The following SLIT2 variants were observed in gnomAD, a reference collection of about 807,000 sequenced individuals.
SLIT2 encodes slit guidance ligand 2, also known as slit homolog 2 protein.
In SLIT2, 41 loss-of-function variants were observed where a neutral mutation model predicts 185.7. The observed-to-expected ratio is 0.22, with a 90% CI of 0.17 to 0.29. The LOEUF is 0.29. Among genes scored for constraint, SLIT2 ranks in the 10% least tolerant of loss-of-function variants. The pLI is 1.00. For synonymous variants in SLIT2, 693 were observed against 680.2 expected, an observed-to-expected ratio of 1.02 and a Z score of -0.29; for missense variants, 1,571 against 1,909.0, an observed-to-expected ratio of 0.82 and a Z score of 3.30.
chr4:20,265,176 G>A (rs1160533473), intron 3 of SLIT2, among the ~76,000 whole-genome samples: 1 of 151,872 alleles, frequency 6.6e-6, no homozygotes, highest in Non-Finnish European at 1.5e-5. Context: ...GTCACAATTA[G>A]AAGCTAGGCT....
rs1560495001 is a variant in SLIT2, at chr4:20,518,575, A to G, written c.1059-807A>G. Among the ~76,000 whole-genome samples, 43 of 19,424 alleles carry G rather than the reference A, an allele frequency of 2.2e-3. 5 individuals are homozygous for G. The East Asian group carries it at 0.048, about 22-fold the overall frequency. 12.7% of individuals were successfully genotyped at this position (19,424 alleles called of 152,430 possible). A position where few individuals can be genotyped will look rare whatever the true frequency, so the allele number is the denominator to read the frequency against. On this transcript the variant is annotated intron_variant, in intron 11 of 36. Transcript: ENST00000504154. Reference sequence around the variant, plus strand: ...CCTATATGTATATATATATATATATATATATATATATATTTTTTTTTTTTT... The same window carrying G: ...CCTATATGTATATATATATATATATGTATATATATATATTTTTTTTTTTTT...
At position 20,253,972 on chromosome 4, in the gene SLIT2, A is replaced by G. The variant is rs1321526993; in HGVS notation, c.157A>G (p.Ile53Val). 6.2e-7 allele frequency: 1 copy of G among 1,602,316 alleles called. No homozygotes were observed. The highest frequency in any genetic ancestry group is 1.3e-5 in the African/African-American group (1 of 74,670). Residue 53 changes from isoleucine (I) to valine (V), a missense_variant, in exon 1 of 37, where the codon ATC (isoleucine) becomes GTC (valine). This residue lies in a region of SLIT2 where 1,202 missense variants were observed against 1,416.4 expected (regional missense o/e 0.85). Coordinates refer to ENST00000504154, the MANE Select transcript of SLIT2 (RefSeq NM_004787.4). ...GLALRSVPRN[I>V]PRNTERLDLN... Reference sequence around the variant, plus strand: ...GGCGCTGCGCAGCGTGCCCAGGAATATCCCCCGCAACACCGAGAGACTGTG... The same window carrying G: ...GGCGCTGCGCAGCGTGCCCAGGAATGTCCCCCGCAACACCGAGAGACTGTG...
intron 4 of SLIT2, among the ~76,000 whole-genome samples, chr4:20,297,582 A>G (rs541358893): frequency 5.3e-5 from 8 of 152,210 alleles, no homozygotes; most frequent in Admixed American, 5.2e-4. Flanking sequence ...CCAGGCAAAA[A>G]TGTCAATCTA....
At chr4:20,354,904 T>TGAGA (rs1227961659) in intron 4 of SLIT2, among the ~76,000 whole-genome samples, 44 of 63,340 alleles carry the variant, frequency 6.9e-4, no homozygotes, top group Middle Eastern at 9.4e-3. Flanking sequence ...TGTGTGTGTG[T>TGAGA]GTGAGAGAGA....
intron 4 of SLIT2, among the ~76,000 whole-genome samples, chr4:20,271,269 G>A (rs1577348668): frequency 6.6e-6 from 1 of 150,774 alleles, no homozygotes; most frequent in Admixed American, 6.7e-5. Context: ...AAATAATGGG[G>A]AAAAATGATA....
intron 4 of SLIT2, among the ~76,000 whole-genome samples, chr4:20,341,013 G>GC (rs1488054968): frequency 6.6e-6 from 1 of 152,150 alleles, no homozygotes; most frequent in Non-Finnish European, 1.5e-5. Context: ...AGCTAGATAA[G>GC]CCTTACTAAG....
At position 20,252,485 on chromosome 4, in the gene SLIT2, G is replaced by T. The variant is rs986414687; in HGVS notation, c.-1331G>T. Among the ~76,000 whole-genome samples the T allele has an allele frequency of 3.9e-5, 6 of 152,192 alleles. No homozygotes were observed. The highest frequency in any genetic ancestry group is 8.8e-5 in the Non-Finnish European group (6 of 68,028). On this transcript the variant is annotated 5_prime_UTR_variant, in exon 1 of 37. Coordinates refer to ENST00000504154, the MANE Select transcript of SLIT2 (RefSeq NM_004787.4). Reference sequence around the variant, plus strand: ...AGGAGCCGGGCGGCGTCGCCACGCCGGCAGGGGTACCGCCACTGTGGCCTT... The same window carrying T: ...AGGAGCCGGGCGGCGTCGCCACGCCTGCAGGGGTACCGCCACTGTGGCCTT...
rs528060409 is a variant in SLIT2 at position 20,513,477 on chromosome 4, G to T, written c.1058+2340G>T. Among the ~76,000 whole-genome samples, 16 of 152,188 alleles carry T rather than the reference G, an allele frequency of 1.1e-4. No individual in the cohort carries two copies. In the South Asian group the frequency reaches 3.3e-3, roughly 32 times the overall value. On this transcript the variant is annotated intron_variant, in intron 11 of 36. Transcript: ENST00000504154. ...TATATAACTACACACATTTGCAATA[G>T]CTCTTTTCTTCATTGAACCACAGTT...
At chr4:20,550,945 A>G (rs1723693729) in intron 25 of SLIT2, 47 bp downstream of exon 25, 1 of 1,026,696 alleles carries the variant, frequency 9.7e-7, no homozygotes, top group South Asian at 1.4e-5. Context: ...AACACTTCCT[A>G]ATGAGTGACT....
intron 29 of SLIT2, among the ~76,000 whole-genome samples, chr4:20,569,436 A>G (rs902382608): frequency 1.3e-5 from 2 of 152,036 alleles, no homozygotes; most frequent in African/African-American, 4.8e-5. Context: ...ATTTGCCTCT[A>G]GTAACCCATG....
chr4:20,605,760 T>G (rs1728750622), intron 33 of SLIT2, among the ~76,000 whole-genome samples: 1 of 150,964 alleles, frequency 6.6e-6, no homozygotes. Flanking sequence ...TTTATTTTAT[T>G]TTTTGAGACA....
chr4:20,467,271 G>A (rs1714463487), intron 4 of SLIT2, among the ~76,000 whole-genome samples: 1 of 152,074 alleles, frequency 6.6e-6, no homozygotes, highest in Admixed American at 6.6e-5. Context: ...GAAGTGCTAT[G>A]AAAACTTAAT....
At position 20,257,067 on chromosome 4, in the gene SLIT2, A is replaced by T. The variant is rs559496090; in HGVS notation, c.251+324A>T. Reference sequence around the variant, plus strand: ...GAATAAGTAATAAGAAACATTTGATACTTTTAGGATTTGAAATTAACTAAA... The same window carrying T: ...GAATAAGTAATAAGAAACATTTGATTCTTTTAGGATTTGAAATTAACTAAA... On this transcript the variant is annotated intron_variant, in intron 2 of 36. Transcript: ENST00000504154. Among the ~76,000 whole-genome samples the T allele has an allele frequency of 1.1e-4, 17 of 152,266 alleles. No homozygotes were observed. The East Asian group carries it at 2.7e-3, about 24-fold the overall frequency.
intron 4 of SLIT2, among the ~76,000 whole-genome samples, chr4:20,404,385 C>A (rs1726602016): frequency 6.6e-6 from 1 of 151,780 alleles, no homozygotes; most frequent in Non-Finnish European, 1.5e-5. Context: ...AATAAGATAT[C>A]CCTGATTCAC....
intron 15 of SLIT2, 146 bp downstream of exon 15, chr4:20,525,318 G>A (rs1172821855): frequency 3.4e-6 from 2 of 580,276 alleles, no homozygotes; most frequent in African/African-American, 3.7e-5. Context: ...ACTTGTAGCT[G>A]TTTCCTGAAA....
At chr4:20,461,637 G>C (rs949844347) in intron 4 of SLIT2, among the ~76,000 whole-genome samples, 1 of 152,162 alleles carries the variant, frequency 6.6e-6, no homozygotes, top group African/African-American at 2.4e-5. Flanking sequence ...GTGCAGGTAG[G>C]TCAGATTCTG....
At chr4:20,539,929 AT>A (rs1722657700) in intron 19 of SLIT2, among the ~76,000 whole-genome samples, 2 of 152,152 alleles carry the variant, frequency 1.3e-5, no homozygotes, top group Admixed American at 6.6e-5. Flanking sequence ...ACATTGGAGT[AT>A]TTTCAGTATA....
intron 4 of SLIT2, among the ~76,000 whole-genome samples, chr4:20,319,079 G>A (rs1429955302): frequency 6.6e-6 from 1 of 152,176 alleles, no homozygotes; most frequent in African/African-American, 2.4e-5. Context: ...TTGGTTCACA[G>A]TAGGGGGTAG....
At chr4:20,350,828 A>C (rs979214124) in intron 4 of SLIT2, among the ~76,000 whole-genome samples, 1 of 151,888 alleles carries the variant, frequency 6.6e-6, no homozygotes, top group African/African-American at 2.4e-5. Context: ...CCATCTCTAC[A>C]AAAAAAATAA....
Sources: allele counts gnomAD v4.1 joint callset (sites outside exome capture counted in the v4.1 genomes callset), GRCh38; gene constraint gnomAD v4.1.1; regional missense constraint gnomAD v4.1.1; transcripts MANE v1.5; gene names NCBI Gene and HGNC (gene_info 2026-07-23, HGNC 2026-07-21).